The following RBM28 variants were observed in gnomAD, a reference collection of about 807,000 sequenced individuals.
The protein encoded by RBM28 is RNA-binding protein 28.
A neutral mutation model predicts 98.3 loss-of-function variants in RBM28; 78 were observed. That is an observed-to-expected ratio of 0.79 (90% CI 0.66 to 0.96). RBM28 has a LOEUF of 0.96. RBM28 is among the 40% of genes least tolerant of loss of function. The pLI is 0.00. For synonymous variants in RBM28, 306 were observed against 330.9 expected (o/e 0.92, Z 0.82); for missense variants, 838 against 913.0 (o/e 0.92, Z 1.06).
At chr7:128,329,378 C>A (rs1014832525) in intron 10 of RBM28, among the ~76,000 whole-genome samples, 1 of 152,206 alleles carries the variant, frequency 6.6e-6, no homozygotes, top group Non-Finnish European at 1.5e-5. Context: ...GGATTACAGG[C>A]GTGAGCCACC....
chr7:128,321,710 A>C (rs1562951905), intron 13 of RBM28, among the ~76,000 whole-genome samples: 1 of 152,210 alleles, frequency 6.6e-6, no homozygotes, highest in Non-Finnish European at 1.5e-5. Context: ...CTATAAAACG[A>C]AACAGTAGAT....
chr7:128,325,892 C>T lies in RBM28; in HGVS notation c.1130-1G>A. ...GTCATGAACTGGGCAAATGCACAAC[C>T]TGCACAAGGAGACACAATTCAGTGA... is the stretch of plus-strand genomic sequence containing the variant. On this transcript the variant is annotated splice_acceptor_variant, in intron 10 of 18. Coordinates refer to ENST00000223073, the MANE Select transcript of RBM28 (RefSeq NM_018077.3). LOFTEE classifies it high-confidence loss of function. 6.2e-7 allele frequency: 1 copy of T among 1,613,092 alleles called. No homozygotes were observed. The highest frequency in any genetic ancestry group is 8.5e-7 in the Non-Finnish European group (1 of 1,179,300).
rs1351047474 is a variant in RBM28 at position 128,299,667 on chromosome 7, A to C, written c.*11130T>G. 6.6e-6 allele frequency: 1 copy of C among 152,256 alleles called. No individual in the cohort carries two copies. Among genetic ancestry groups the C allele is most frequent in the African/African-American group, 2.4e-5 (1 of 41,472 alleles). 9.4% of individuals were successfully genotyped at this position (152,256 alleles called of 1,614,324 possible). A position where few individuals can be genotyped will look rare whatever the true frequency, so the allele number is the denominator to read the frequency against. On this transcript the variant is annotated 3_prime_UTR_variant, in exon 19 of 19. Transcript: ENST00000223073. The stretch of plus-strand genomic sequence containing the variant: ...AATTATGTTACACTGATACAATCCA[A>C]TGAGCCTCCCTTCAGAGAGAGGCAC...
At chr7:128,315,790 A>C (rs1796095774) in intron 16 of RBM28, among the ~76,000 whole-genome samples, 2 of 152,224 alleles carry the variant, frequency 1.3e-5, no homozygotes, top group African/African-American at 2.4e-5. Context: ...TTACTCAGAC[A>C]AAAGAAAATG....
intron 8 of RBM28, among the ~76,000 whole-genome samples, chr7:128,334,399 G>A (rs1383119235): frequency 1.3e-5 from 2 of 152,286 alleles, no homozygotes; most frequent in South Asian, 2.1e-4. Context: ...GTGGGTTGTA[G>A]AATACAGGAT....
In RBM28 at chr7:128,316,470, G is replaced by T. The variant is rs193080032; in HGVS notation, c.1788+1189C>A. 2.6e-3 allele frequency among the ~76,000 whole-genome samples: 398 copies of T among 152,320 alleles called. 2 individuals carry two copies. The highest frequency in any genetic ancestry group is 0.014 in the Middle Eastern group (4 of 294). On this transcript the variant is annotated intron_variant, in intron 16 of 18. Coordinates refer to ENST00000223073, the MANE Select transcript of RBM28 (RefSeq NM_018077.3). Reference sequence around the variant, plus strand: ...TCACGCCTGTAATCCCAGCACTTTGGGAGGCTGAGGCAGGTGGATCACTTG... The same window carrying T: ...TCACGCCTGTAATCCCAGCACTTTGTGAGGCTGAGGCAGGTGGATCACTTG...
Position 128,297,959 on chromosome 7 carries a change from G to A in RBM28, c.*12838C>T, listed in dbSNP as rs1430599730. ...CAATGAGAACACATGGACACAGGAA[G>A]GGGAACATCACACTCTGGGGACTAT... On this transcript the variant is annotated 3_prime_UTR_variant, in exon 19 of 19. Coordinates refer to ENST00000223073, the MANE Select transcript of RBM28 (RefSeq NM_018077.3). 7.2e-6 allele frequency: 1 copy of A among 138,258 alleles called. No individual in the cohort carries two copies. Among genetic ancestry groups the A allele is most frequent in the African/African-American group, 2.7e-5 (1 of 37,510 alleles). 8.6% of individuals were successfully genotyped at this position (138,258 alleles called of 1,614,324 possible).
At chr7:128,342,209 C>A (rs992620954) in intron 1 of RBM28, among the ~76,000 whole-genome samples, 1 of 152,052 alleles carries the variant, frequency 6.6e-6, no homozygotes, top group Non-Finnish European at 1.5e-5. Flanking sequence ...CACTCAAGAC[C>A]CACTAATAGG....
chr7:128,343,272 T>G (rs1223889145), intron 1 of RBM28, among the ~76,000 whole-genome samples: 2 of 152,178 alleles, frequency 1.3e-5, no homozygotes, highest in African/African-American at 2.4e-5. Context: ...AACTTAAAGT[T>G]ACTAAATTCC....
In RBM28 at chr7:128,310,571, A is replaced by C; in HGVS notation, c.*226T>G. ...CATACAATAATCTGGATAATATGCAAGAAGCATCATGTTGACTTTCAGATA... is the reference window on the plus strand; with the variant it reads ...CATACAATAATCTGGATAATATGCACGAAGCATCATGTTGACTTTCAGATA... On this transcript the variant is annotated 3_prime_UTR_variant, in exon 19 of 19. Transcript: ENST00000223073. 1.7e-6 allele frequency: 1 copy of C among 584,866 alleles called. No homozygotes were observed. The allele number at this position is 584,866 out of a possible 1,614,324, so 36.2% of individuals were successfully genotyped here.
chr7:128,328,290 A>G lies in RBM28; in HGVS notation c.1130-2399T>C, dbSNP rs1044098480. ...ATGAATCTAATTAGATTGAATATGA[A>G]GAAAATGGGTGCTTCTCTCTGAATG... On this transcript the variant is annotated intron_variant, in intron 10 of 18. Coordinates refer to ENST00000223073, the MANE Select transcript of RBM28 (RefSeq NM_018077.3). Among the ~76,000 whole-genome samples, 8 of 152,350 alleles carry G rather than the reference A, an allele frequency of 5.3e-5. No individual in the cohort carries two copies. The South Asian group carries it at 1.7e-3, about 32-fold the overall frequency.
chr7:128,305,919 C>T lies in RBM28; in HGVS notation c.*4878G>A, dbSNP rs150307796. On this transcript the variant is annotated 3_prime_UTR_variant, in exon 19 of 19. Coordinates refer to ENST00000223073, the MANE Select transcript of RBM28 (RefSeq NM_018077.3). ...AAAGAGAAAATACATAAAACAAGGA[C>T]AGGTTGTTCGGCATCTCTTCAGGAG... 99 of 152,328 alleles carry T rather than the reference C, an allele frequency of 6.5e-4. No individual in the cohort carries two copies. The highest frequency in any genetic ancestry group is 2.2e-3 in the African/African-American group (92 of 41,556). The allele number at this position is 152,328 out of a possible 1,614,324, so 9.4% of individuals were successfully genotyped here.
rs1795797652 is a variant in RBM28, at chr7:128,302,668, C to G, written c.*8129G>C. Reference sequence around the variant, plus strand: ...TGAGTACATTTGGCTTGTGGTAGATCAGGAGAGAGAAAGAAAGAAAAAACA... The same window carrying G: ...TGAGTACATTTGGCTTGTGGTAGATGAGGAGAGAGAAAGAAAGAAAAAACA... On this transcript the variant is annotated 3_prime_UTR_variant, in exon 19 of 19. Transcript: ENST00000223073. 6.6e-6 allele frequency: 1 copy of G among 151,966 alleles called. No individual in the cohort carries two copies. The highest frequency in any genetic ancestry group is 1.5e-5 in the Non-Finnish European group (1 of 68,006). The allele number at this position is 151,966 out of a possible 1,614,324, so 9.4% of individuals were successfully genotyped here.
rs186068867 is a variant in RBM28, at chr7:128,298,376, G to C, written c.*12421C>G. 1 of 151,966 alleles carries C rather than the reference G, an allele frequency of 6.6e-6. No individual in the cohort carries two copies. The highest frequency in any genetic ancestry group is 1.5e-5 in the Non-Finnish European group (1 of 68,012). 9.4% of individuals were successfully genotyped at this position (151,966 alleles called of 1,614,324 possible). On this transcript the variant is annotated 3_prime_UTR_variant, in exon 19 of 19. Transcript: ENST00000223073. ...CCTACTGATATGCGACGTCACCCCC[G>C]GCAGCCCAGCTGTTAAAATTCCTCT...
chr7:128,328,354 T>C (rs1796399248), intron 10 of RBM28, among the ~76,000 whole-genome samples: 1 of 152,204 alleles, frequency 6.6e-6, no homozygotes, highest in African/African-American at 2.4e-5. Context: ...GAGTCAGTAC[T>C]GGGTTCAGTC....
intron 1 of RBM28, among the ~76,000 whole-genome samples, chr7:128,342,511 G>A (rs1796748263): frequency 6.6e-6 from 1 of 151,788 alleles, no homozygotes; most frequent in African/African-American, 2.4e-5. Context: ...GCGAAACCCC[G>A]TCTCTACTAA....
chr7:128,313,084 T>C (rs1796020857), intron 18 of RBM28, 91 bp downstream of exon 18: 1 of 1,310,838 alleles, frequency 7.6e-7, no homozygotes, highest in Non-Finnish European at 1.1e-6. Flanking sequence ...TCTTTCTTTT[T>C]TTCTTTTTTG....
In RBM28 at chr7:128,308,188, C is replaced by T. The variant is rs1795903390; in HGVS notation, c.*2609G>A. 2.0e-5 allele frequency: 3 copies of T among 152,194 alleles called. No individual in the cohort carries two copies. Among genetic ancestry groups the T allele is most frequent in the Non-Finnish European group, 4.4e-5 (3 of 68,032 alleles). 9.4% of individuals were successfully genotyped at this position (152,194 alleles called of 1,614,324 possible). On this transcript the variant is annotated 3_prime_UTR_variant, in exon 19 of 19. Transcript: ENST00000223073. ...GGAAGATTCAACCTCATATAAAGAA[C>T]TCTTTAAAGAACTGTACAACAGCTC...
chr7:128,312,199 A>C (rs1468325916), intron 18 of RBM28, among the ~76,000 whole-genome samples: 8 of 152,200 alleles, frequency 5.3e-5, no homozygotes, highest in Non-Finnish European at 1.2e-4. Flanking sequence ...CAGGCGAATC[A>C]CCTGAGGTCA....
Sources: gnomAD v4.1 joint callset for allele counts (sites outside exome capture counted in the v4.1 genomes callset) on GRCh38, gnomAD v4.1.1 for gene constraint, MANE v1.5 for transcripts, NCBI Gene and HGNC (gene_info 2026-07-23, HGNC 2026-07-21) for gene names.